The following NBPF11 variants were observed in gnomAD, a reference collection of about 807,000 sequenced individuals.
NBPF11 encodes NBPF family member NBPF11.
Under a neutral mutation model 93.9 loss-of-function variants are expected in NBPF11, and 72 were observed. The ratio of observed to expected loss-of-function variants is 0.77; its 90% CI spans 0.63 to 0.93. The LOEUF is 0.93. NBPF11 is among the 40% of genes least tolerant of loss of function. The pLI, the probability that NBPF11 is intolerant of heterozygous loss-of-function variation, is 0.00. For missense variants in NBPF11, 705 were observed against 802.2 expected (o/e 0.88, Z 1.46); for synonymous variants, 224 against 304.9 (o/e 0.73, Z 2.76).
chr1:148,138,724 A>G (rs1671731704), intron 2 of NBPF11, among the ~76,000 whole-genome samples: 2 of 151,542 alleles, frequency 1.3e-5, no homozygotes, highest in South Asian at 4.2e-4. Context: ...TTTTCTTAGT[A>G]CAGAACAAAA....
chr1:148,147,597 C>A (rs1192465400), intron 1 of NBPF11, among the ~76,000 whole-genome samples: 1 of 151,988 alleles, frequency 6.6e-6, no homozygotes, highest in African/African-American at 2.4e-5. Context: ...ATCCACTGGG[C>A]CTGTCTCGTC....
At chr1:148,146,553 G>A in intron 1 of NBPF11, 3 of 1,604,940 alleles carry the variant, frequency 1.9e-6, no homozygotes, top group East Asian at 2.2e-5. Flanking sequence ...CCGCCCCCTT[G>A]GGGACCCTGA....
chr1:148,123,128 T>C (rs1668276852), intron 7 of NBPF11, among the ~76,000 whole-genome samples: 2 of 152,168 alleles, frequency 1.3e-5, no homozygotes, highest in South Asian at 2.1e-4. Flanking sequence ...AGGAACAGGC[T>C]TGGTGTCCTG....
chr1:148,134,131 C>T (rs3992735), intron 4 of NBPF11, among the ~76,000 whole-genome samples: 19,791 of 151,714 alleles, frequency 0.13, 1,511 homozygotes, highest in East Asian at 0.28. Context: ...TTTACATGCA[C>T]GCCGCTGTTC....
At chr1:148,115,693 G>C (rs1666357026) in intron 14 of NBPF11, 100 bp downstream of exon 14, 1 of 1,074,868 alleles carries the variant, frequency 9.3e-7, no homozygotes, top group Admixed American at 2.3e-5. Flanking sequence ...ACCCATCACA[G>C]TTTTTTATTC....
chr1:148,143,216 C>T (rs1309096170), intron 2 of NBPF11, among the ~76,000 whole-genome samples, 199 bp downstream of exon 2: 1 of 151,998 alleles, frequency 6.6e-6, no homozygotes, highest in Non-Finnish European at 1.5e-5. Context: ...TTTCACCCGA[C>T]CATGGCACTG....
Position 148,122,382 on chromosome 1 carries a change from T to C in NBPF11, c.567-116A>G, listed in dbSNP as rs1668075966. 4 of 1,537,842 alleles carry C rather than the reference T, an allele frequency of 2.6e-6. No homozygotes were observed. In the South Asian group the frequency reaches 3.4e-5, roughly 13 times the overall value. On this transcript the variant is annotated intron_variant, in intron 8 of 23. Coordinates refer to ENST00000682118, the MANE Select transcript of NBPF11 (RefSeq NM_001385469.3). ...TAAGAGAGTGGTCCCAGAAAACAAA[T>C]GGAGGTTCCCTTTAAGAGGGAACAG...
intron 9 of NBPF11, among the ~76,000 whole-genome samples, chr1:148,120,986 C>T (rs1313238172): frequency 1.3e-5 from 2 of 151,940 alleles, no homozygotes; most frequent in Non-Finnish European, 2.9e-5. Context: ...CATGAGTGGC[C>T]AATGTTTCTG....
At chr1:148,113,093 C>T (rs1198384992) in intron 15 of NBPF11, among the ~76,000 whole-genome samples, 108 of 152,028 alleles carry the variant, frequency 7.1e-4, no homozygotes, top group Middle Eastern at 3.4e-3. Flanking sequence ...AACATCATAA[C>T]GACAGGATCA....
chr1:148,123,821 T>C (rs2149242775), intron 7 of NBPF11, 32 bp downstream of exon 7: 1 of 1,344,064 alleles, frequency 7.4e-7, no homozygotes, highest in East Asian at 2.4e-5. Context: ...AAGCCTGGGG[T>C]TTTGGGTCAT....
intron 19 of NBPF11, among the ~76,000 whole-genome samples, chr1:148,107,344 G>T (rs1386436386): frequency 6.6e-6 from 1 of 150,770 alleles, no homozygotes; most frequent in Non-Finnish European, 1.5e-5. Context: ...AGTGAGCTCA[G>T]CGAATTGGCC....
At chr1:148,136,167 C>A (rs1465730867) in intron 3 of NBPF11, among the ~76,000 whole-genome samples, 3 of 151,952 alleles carry the variant, frequency 2.0e-5, no homozygotes, top group African/African-American at 7.3e-5. Flanking sequence ...AAACGTCTGG[C>A]ATATTCTTAC....
In NBPF11 at chr1:148,124,891, C is replaced by T. The variant is rs1553272611; in HGVS notation, c.278+8G>A. 1.2e-6 allele frequency: 2 copies of T among 1,608,366 alleles called. No individual in the cohort carries two copies. Among genetic ancestry groups the T allele is most frequent in the Non-Finnish European group, 1.7e-6 (2 of 1,179,908 alleles). ...ACCTGCCTGTCTCCCCCTACGGGGTCCCCTCACCTGAGCTCCTCAGCTTGC... is the reference window on the plus strand; with the variant it reads ...ACCTGCCTGTCTCCCCCTACGGGGTTCCCTCACCTGAGCTCCTCAGCTTGC... On this transcript the variant is annotated splice_region_variant and intron_variant, in intron 6 of 23. Coordinates refer to ENST00000682118, the MANE Select transcript of NBPF11 (RefSeq NM_001385469.3).
intron 15 of NBPF11, among the ~76,000 whole-genome samples, chr1:148,111,346 C>T (rs1291830666): frequency 6.6e-6 from 1 of 152,018 alleles, no homozygotes; most frequent in African/African-American, 2.4e-5. Context: ...ATCCCTTCTC[C>T]TCCAAAGGAT....
Position 148,103,644 on chromosome 1 carries a change from C to A in NBPF11, c.*252G>T, listed in dbSNP as rs1300224641. 1 of 1,610,944 alleles carries A rather than the reference C, an allele frequency of 6.2e-7. No homozygotes were observed. The highest frequency in any genetic ancestry group is 8.5e-7 in the Non-Finnish European group (1 of 1,179,156). On this transcript the variant is annotated 3_prime_UTR_variant, in exon 24 of 24. Coordinates refer to ENST00000682118, the MANE Select transcript of NBPF11 (RefSeq NM_001385469.3). ...CTATAGGTCCTGCCTGCAGGAATGA[C>A]ACCTCTCGGCTTAGTAAGGGCTGCT...
rs1344839813 is a variant in NBPF11 at position 148,152,268 on chromosome 1, G to A, written c.-1067C>T. On this transcript the variant is annotated 5_prime_UTR_variant, in exon 1 of 24. Coordinates refer to ENST00000682118, the MANE Select transcript of NBPF11 (RefSeq NM_001385469.3). ...CCCCTCGGAAGCCCGGAGCTACCCC[G>A]CGTTTAGGACTGCAGGCTTCGCGCT... The A allele has an allele frequency of 6.6e-6, 1 of 152,122 alleles. No homozygotes were observed. The highest frequency in any genetic ancestry group is 1.5e-5 in the Non-Finnish European group (1 of 68,086). The allele number at this position is 152,122 out of a possible 1,614,324, so 9.4% of individuals were successfully genotyped here. A position where few individuals can be genotyped will look rare whatever the true frequency, so the allele number is the denominator to read the frequency against.
At chr1:148,134,286 C>G (rs1462470592) in intron 4 of NBPF11, among the ~76,000 whole-genome samples, 1 of 151,626 alleles carries the variant, frequency 6.6e-6, no homozygotes, top group African/African-American at 2.4e-5. Context: ...AAGTAATAGA[C>G]AGATGCAGCT....
intron 9 of NBPF11, among the ~76,000 whole-genome samples, chr1:148,121,700 T>C (rs1667910280): frequency 6.6e-6 from 1 of 151,278 alleles, no homozygotes; most frequent in African/African-American, 2.4e-5. Flanking sequence ...GGAGAGAGAG[T>C]CTAGCCTGAC....
chr1:148,148,103 G>T (rs1471738477), intron 1 of NBPF11, among the ~76,000 whole-genome samples: 3 of 152,188 alleles, frequency 2.0e-5, no homozygotes, highest in Non-Finnish European at 4.4e-5. Flanking sequence ...GACCATGGCT[G>T]CCAGGGAGCA....
Sources: allele counts gnomAD v4.1 joint callset (sites outside exome capture counted in the v4.1 genomes callset), GRCh38; gene constraint gnomAD v4.1.1; transcripts MANE v1.5; gene names NCBI Gene and HGNC (gene_info 2026-07-23, HGNC 2026-07-21).